The following STK3 variants were observed in gnomAD, a reference collection of about 807,000 sequenced individuals.
STK3 encodes the protein serine/threonine-protein kinase 3.
A neutral mutation model predicts 58.0 loss-of-function variants in STK3; 41 were observed. The ratio of observed to expected loss-of-function variants is 0.71; its 90% CI spans 0.55 to 0.92. The LOEUF (loss-of-function observed/expected upper bound fraction) is 0.92, where lower values mean the gene tolerates loss of function less well. Ranked by LOEUF, STK3 falls within the 40% of genes least tolerant of loss-of-function variation. STK3 has a pLI of 0.00. For missense variants in STK3, 479 were observed against 602.7 expected (o/e 0.79, Z 2.15); for synonymous variants, 170 against 191.0 (o/e 0.89, Z 0.91).
intron 3 of STK3, among the ~76,000 whole-genome samples, chr8:98,762,093 T>C (rs928173277): frequency 6.9e-4 from 105 of 152,256 alleles, no homozygotes; most frequent in African/African-American, 2.3e-3. Context: ...CCTCCAAACA[T>C]GAGGTGTTAG....
chr8:98,687,058 T>C (rs747016267), intron 6 of STK3, among the ~76,000 whole-genome samples: 1 of 152,094 alleles, frequency 6.6e-6, no homozygotes, highest in South Asian at 2.1e-4. Context: ...GGGATCAACA[T>C]GCAGATACAA....
intron 7 of STK3, among the ~76,000 whole-genome samples, chr8:98,587,127 T>C (rs1814699008): frequency 1.3e-5 from 2 of 152,196 alleles, no homozygotes; most frequent in African/African-American, 4.8e-5. Context: ...AGTTATTTCT[T>C]GCCTTCTGCT....
intron 10 of STK3, among the ~76,000 whole-genome samples, chr8:98,487,435 A>G (rs1410652526): frequency 6.6e-6 from 1 of 152,166 alleles, no homozygotes; most frequent in Non-Finnish European, 1.5e-5. Context: ...AGAAAATGAA[A>G]ACTCGGAAAC....
chr8:98,682,097 T>C (rs911235676), intron 6 of STK3, among the ~76,000 whole-genome samples: 2 of 152,214 alleles, frequency 1.3e-5, no homozygotes, highest in African/African-American at 2.4e-5. Context: ...CTTGCCTATA[T>C]CAATTGTATG....
intron 3 of STK3, among the ~76,000 whole-genome samples, chr8:98,861,108 G>A (rs933652570): frequency 1.3e-5 from 2 of 152,018 alleles, no homozygotes; most frequent in South Asian, 2.1e-4. Flanking sequence ...AAGCTGTACC[G>A]TGGGAGCAGA....
chr8:98,507,138 A>C (rs1824159502), intron 10 of STK3, among the ~76,000 whole-genome samples: 1 of 152,190 alleles, frequency 6.6e-6, no homozygotes, highest in Non-Finnish European at 1.5e-5. Flanking sequence ...AGTCCTTTGA[A>C]GATCCCATTC....
intron 3 of STK3, among the ~76,000 whole-genome samples, chr8:98,404,477 G>A (rs1218804257): frequency 2.6e-5 from 4 of 152,156 alleles, no homozygotes; most frequent in Admixed American, 1.3e-4. Context: ...TCAGGAGATC[G>A]AGACCATCCA....
intron 6 of STK3, among the ~76,000 whole-genome samples, chr8:98,639,667 T>C (rs1471729296): frequency 1.3e-5 from 2 of 152,234 alleles, no homozygotes; most frequent in Admixed American, 1.3e-4. Context: ...AGGCATATAG[T>C]AATAATTCAT....
intron 10 of STK3, among the ~76,000 whole-genome samples, chr8:98,506,949 TA>T (rs1362913960): frequency 1.3e-5 from 2 of 152,198 alleles, no homozygotes; most frequent in African/African-American, 2.4e-5. Context: ...TCCAGAACTG[TA>T]AAACAACACA....
chr8:98,901,762 C>T lies in STK3; in HGVS notation c.-78-17928G>A, dbSNP rs574028463. 2.6e-5 allele frequency among the ~76,000 whole-genome samples: 4 copies of T among 152,330 alleles called. No homozygotes were observed. The South Asian group carries it at 6.2e-4, about 24-fold the overall frequency. ...GAGGTCAGGGCAGCTTTCTGTGTTC[C>T]GTGAGAGCTTCTCAGTTGTCTGAAA... On this transcript the variant is annotated intron_variant, in intron 1 of 1. Transcript: ENST00000519420.
chr8:98,567,142 G>A lies in STK3; in HGVS notation c.948+12522C>T, dbSNP rs921590105. On this transcript the variant is annotated intron_variant, in intron 8 of 10. Coordinates refer to ENST00000419617, the MANE Select transcript of STK3 (RefSeq NM_006281.4). ...ACAAGGGGTCCAAGCTTGTACTTTC[G>A]TTCCATAACCTAGACAAAATTATTG... is the stretch of plus-strand genomic sequence containing the variant. Among the ~76,000 whole-genome samples the A allele has an allele frequency of 5.9e-5, 9 of 152,228 alleles. No homozygotes were observed. The South Asian group carries it at 1.0e-3, about 18-fold the overall frequency.
intron 3 of STK3, among the ~76,000 whole-genome samples, chr8:98,407,348 G>T (rs962539545): frequency 1.3e-5 from 2 of 152,212 alleles, no homozygotes; most frequent in Non-Finnish European, 2.9e-5. Context: ...CAAATAGAGA[G>T]TGTTCCAGGC....
chr8:98,382,336 A>T (rs930611831), intron 1 of STK3, among the ~76,000 whole-genome samples: 13 of 152,200 alleles, frequency 8.5e-5, no homozygotes, highest in Admixed American at 8.5e-4. Flanking sequence ...AATGCACATG[A>T]TTTTGACGTT....
chr8:98,387,111 T>C (rs1817799479), intron 1 of STK3, among the ~76,000 whole-genome samples: 1 of 152,206 alleles, frequency 6.6e-6, no homozygotes, highest in African/African-American at 2.4e-5. Flanking sequence ...GGAATAGTTA[T>C]TTCAAGTGAC....
intron 1 of STK3, among the ~76,000 whole-genome samples, chr8:98,938,424 T>C (rs1483642959): frequency 1.3e-5 from 2 of 152,098 alleles, no homozygotes; most frequent in East Asian, 1.9e-4. Context: ...AGATTTTTAG[T>C]TGGGGGAGAA....
chr8:98,885,552 G>C (rs193140356), intron 1 of STK3, among the ~76,000 whole-genome samples: 2 of 152,144 alleles, frequency 1.3e-5, no homozygotes, highest in African/African-American at 4.8e-5. Context: ...CGATTCTCCC[G>C]CTTCAGCCTC....
intron 4 of STK3, among the ~76,000 whole-genome samples, chr8:98,722,015 T>C (rs1207339222): frequency 6.6e-6 from 1 of 152,098 alleles, no homozygotes; most frequent in Non-Finnish European, 1.5e-5. Context: ...CATAAAAAGC[T>C]CTTTCAAAGT....
At chr8:98,698,625 C>G (rs1825220253) in intron 6 of STK3, among the ~76,000 whole-genome samples, 4 of 152,178 alleles carry the variant, frequency 2.6e-5, no homozygotes, top group Admixed American at 2.6e-4. Flanking sequence ...ACTTATGAAG[C>G]TTAGTTTGGC....
At chr8:98,585,163 C>A (rs1303406496) in intron 7 of STK3, among the ~76,000 whole-genome samples, 1 of 151,970 alleles carries the variant, frequency 6.6e-6, no homozygotes, top group African/African-American at 2.4e-5. Context: ...GACATGAAGG[C>A]CTTGCCCATG....
Sources: gnomAD v4.1 joint callset for allele counts (sites outside exome capture counted in the v4.1 genomes callset) on GRCh38, gnomAD v4.1.1 for gene constraint, MANE v1.5 for transcripts, NCBI Gene and HGNC (gene_info 2026-07-23, HGNC 2026-07-21) for gene names.